CFAP46: variants seen among roughly 807,000 people sequenced by gnomAD.
The protein encoded by CFAP46 is cilia and flagella associated protein 46.
In CFAP46, 245 loss-of-function variants were observed where a neutral mutation model predicts 325.7. That is an observed-to-expected ratio of 0.75 (90% confidence interval 0.68 to 0.84). The LOEUF is 0.84. Among genes scored for constraint, CFAP46 ranks in the 40% least tolerant of loss-of-function variants. The pLI, the probability that CFAP46 is intolerant of heterozygous loss-of-function variation, is 0.00. For synonymous variants in CFAP46, 1,523 were observed against 1,495.9 expected (o/e 1.02, Z -0.42); for missense variants, 3,346 against 3,543.0 (o/e 0.94, Z 1.41).
intron 22 of CFAP46, among the ~76,000 whole-genome samples, chr10:132,902,503 A>C (rs187699576): frequency 6.6e-6 from 1 of 152,170 alleles, no homozygotes; most frequent in Non-Finnish European, 1.5e-5. Context: ...TATCGGTTCC[A>C]TTCTTTATTG....
rs769009515 is a variant in CFAP46 at position 132,919,381 on chromosome 10, G to A, written c.1792C>T (p.Arg598Trp). Residue 598 changes from arginine to tryptophan, a missense_variant, in exon 15 of 58, where the codon CGG becomes TGG. By Grantham distance (101) the Arg-to-Trp change is moderately radical (BLOSUM62 -3). Coordinates refer to ENST00000368586, the MANE Select transcript of CFAP46 (RefSeq NM_001200049.3). This position sits in a 1 kb window ranked among gnomAD's most constrained non-coding sequence, Gnocchi z 9.7. ...AGGAGGCAGAAGCGGCTCGCCGTCC[G>A]ACAGACGTCCCACACGCCTTGTTTC... Reference protein sequence around the residue: ...ARKQGVWDVCRTASRFCLLYD... With the variant: ...ARKQGVWDVCWTASRFCLLYD... 504 of 1,549,950 alleles carry A rather than the reference G, an allele frequency of 3.3e-4. No individual in the cohort carries two copies. Among genetic ancestry groups the A allele is most frequent in the Non-Finnish European group, 4.1e-4 (469 of 1,146,904 alleles).
In CFAP46 at chr10:132,872,888, T is replaced by G. The variant is rs934841621; in HGVS notation, c.4363-64A>C. ...CGGGTGTAGACCACAAGCATAAGGGTCTTTCCTCAGAGAACTCCCTCCCTC... is the reference window on the plus strand; with the variant it reads ...CGGGTGTAGACCACAAGCATAAGGGGCTTTCCTCAGAGAACTCCCTCCCTC... On this transcript the variant is annotated intron_variant, in intron 31 of 57. Coordinates refer to ENST00000368586, the MANE Select transcript of CFAP46 (RefSeq NM_001200049.3). 4 of 1,532,440 alleles carry G rather than the reference T, an allele frequency of 2.6e-6. No individual in the cohort carries two copies. The African/African-American group carries it at 5.5e-5, about 21-fold the overall frequency. The allele number at this position is 1,532,440 out of a possible 1,614,324, so 94.9% of individuals were successfully genotyped here.
At chr10:132,918,559 C>A in intron 15 of CFAP46, 39 bp from the exon 16 acceptor site, 1 of 1,490,460 alleles carries the variant, frequency 6.7e-7, no homozygotes, top group Non-Finnish European at 9.0e-7. Context: ...ATGTTTTTTT[C>A]TAGCAAATAA....
intron 13 of CFAP46, among the ~76,000 whole-genome samples, 181 bp downstream of exon 13, chr10:132,921,923 G>A (rs1849728453): frequency 6.6e-6 from 1 of 152,248 alleles, no homozygotes; most frequent in African/African-American, 2.4e-5. Context: ...GTGCACAGAA[G>A]ACCGTCGCTG....
At chr10:132,898,042 C>T (rs1399900645) in intron 24 of CFAP46, among the ~76,000 whole-genome samples, 1 of 152,242 alleles carries the variant, frequency 6.6e-6, no homozygotes, top group Non-Finnish European at 1.5e-5. Flanking sequence ...CTCTGCTTCT[C>T]TTAGAAGGGC....
chr10:132,915,839 C>T (rs983935777), intron 17 of CFAP46, among the ~76,000 whole-genome samples: 2 of 152,266 alleles, frequency 1.3e-5, no homozygotes, highest in Non-Finnish European at 2.9e-5. Flanking sequence ...GTGACGGATT[C>T]GCTGATTACC....
Position 132,833,542 on chromosome 10 carries a change from C to T in CFAP46, c.6950-17G>A. 6.2e-7 allele frequency: 1 copy of T among 1,605,058 alleles called. No individual in the cohort carries two copies. Reference sequence around the variant, plus strand: ...GGACTGTGCCTGGGAAACAGCAGTGCAGGGAGATCAGCTCCTGAAGACGGG... The same window carrying T: ...GGACTGTGCCTGGGAAACAGCAGTGTAGGGAGATCAGCTCCTGAAGACGGG... On this transcript the variant is annotated splice_polypyrimidine_tract_variant and intron_variant, in intron 49 of 57. Coordinates refer to ENST00000368586, the MANE Select transcript of CFAP46 (RefSeq NM_001200049.3).
chr10:132,823,916 TGTG>T (rs1426077173), intron 50 of CFAP46, among the ~76,000 whole-genome samples: 2 of 129,602 alleles, frequency 1.5e-5, no homozygotes, highest in Non-Finnish European at 3.4e-5. Flanking sequence ...TGAGCGCTGA[TGTG>T]TGTGTGTGCT....
At chr10:132,820,673 C>T (rs1217677420) in intron 50 of CFAP46, among the ~76,000 whole-genome samples, 3 of 91,886 alleles carry the variant, frequency 3.3e-5, no homozygotes, top group African/African-American at 4.4e-5. Context: ...GCTGTGTGTG[C>T]ACTGATGTGT....
chr10:132,809,667 TC>T (rs1359402269), intron 57 of CFAP46, among the ~76,000 whole-genome samples: 7 of 151,956 alleles, frequency 4.6e-5, no homozygotes, highest in Non-Finnish European at 1.0e-4. Context: ...CCCGGGAAGC[TC>T]CTCTGTGGCT....
Position 132,836,859 on chromosome 10 carries a change from G to A in CFAP46, c.6494C>T (p.Pro2165Leu). 2.5e-6 allele frequency: 4 copies of A among 1,613,928 alleles called. No homozygotes were observed. Among genetic ancestry groups the A allele is most frequent in the Non-Finnish European group, 3.4e-6 (4 of 1,180,002 alleles). The stretch of plus-strand genomic sequence containing the variant: ...CAGAAAGAGGATCCAAAAGGTCGGA[G>A]GCATCTCATTCAAGAGGTTAAAATG... ...EQHFNLLNEM[P>L]PTFWILFLHL... is the part of the protein sequence containing the mutation. Residue 2165 changes from proline to leucine, a missense_variant, in exon 45 of 58, where the codon CCT becomes CTT. Physicochemically the swap from Pro to Leu is moderately conservative, Grantham distance 98. Transcript: ENST00000368586.
chr10:132,846,845 C>T, intron 43 of CFAP46, 87 bp downstream of exon 43: 3 of 1,450,900 alleles, frequency 2.1e-6, no homozygotes, highest in Admixed American at 2.5e-5. Flanking sequence ...TAATGGAGTC[C>T]CCCCAAGGCG....
intron 22 of CFAP46, among the ~76,000 whole-genome samples, chr10:132,905,924 C>A (rs1211629689): frequency 6.6e-6 from 1 of 152,238 alleles, no homozygotes; most frequent in Non-Finnish European, 1.5e-5. Context: ...TAGGGAGGGA[C>A]ATCAAAGGAG....
At chr10:132,813,197 C>T (rs1847616970) in intron 54 of CFAP46, among the ~76,000 whole-genome samples, 1 of 152,056 alleles carries the variant, frequency 6.6e-6, no homozygotes, top group Non-Finnish European at 1.5e-5. Context: ...TCCCAATGGC[C>T]CAGCACCTGG....
chr10:132,915,036 G>A (rs532425682), intron 17 of CFAP46, among the ~76,000 whole-genome samples: 13 of 152,394 alleles, frequency 8.5e-5, no homozygotes, highest in Admixed American at 1.3e-4. Flanking sequence ...GGGTCTGTCC[G>A]TCCCGCTAGA....
chr10:132,902,497 G>A (rs182978557), intron 22 of CFAP46, among the ~76,000 whole-genome samples: 144 of 152,132 alleles, frequency 9.5e-4, no homozygotes, highest in Non-Finnish European at 1.3e-3. Context: ...TTTTATTATC[G>A]GTTCCATTCT....
In CFAP46 at chr10:132,922,660, G is replaced by A. The variant is rs117918463; in HGVS notation, c.1305C>T (p.Ile435=). ...GCTCCAGCCGGTCCTCGTCCTCCTC[G>A]ATCTGCGCCATCTCCATGTGCACTT... ...RCQVHMEMAQ[I]EEDEDRLEPA... is the part of the protein sequence containing the mutation. The change falls in exon 12 of 58, where the codon ATC becomes ATT. Residue 435 remains isoleucine (I), a synonymous_variant. Transcript: ENST00000368586. 0.019 allele frequency: 30,008 copies of A among 1,549,958 alleles called. 320 individuals are homozygous for A. Among genetic ancestry groups the A allele is most frequent in the Non-Finnish European group, 0.023 (26,502 of 1,146,788 alleles).
intron 44 of CFAP46, among the ~76,000 whole-genome samples, chr10:132,837,568 GAC>G (rs368059891): frequency 1.8e-4 from 23 of 127,466 alleles, no homozygotes; most frequent in East Asian, 9.4e-4. Context: ...GACATGCACG[GAC>G]ACACACATGC....
intron 57 of CFAP46, 33 bp downstream of exon 57, chr10:132,810,376 A>G: frequency 6.2e-7 from 1 of 1,602,944 alleles, no homozygotes; most frequent in South Asian, 1.1e-5. Flanking sequence ...GAGGGTGCTG[A>G]AGGCCGCGGG....
Sources: allele counts gnomAD v4.1 joint callset (sites outside exome capture counted in the v4.1 genomes callset), GRCh38; gene constraint gnomAD v4.1.1; non-coding constraint Gnocchi (gnomAD v3.1); transcripts MANE v1.5; gene names NCBI Gene and HGNC (gene_info 2026-07-23, HGNC 2026-07-21).